CES1: variants seen among roughly 807,000 people sequenced by gnomAD.
CES1 encodes the protein carboxylesterase 1, also known as liver carboxylesterase 1.
In CES1, 50 loss-of-function variants were observed where a neutral mutation model predicts 53.0. The ratio of observed to expected loss-of-function variants is 0.94; its 90% CI spans 0.75 to 1.19. The LOEUF (loss-of-function observed/expected upper bound fraction) is 1.19, where lower values mean the gene tolerates loss of function less well. Ranked by LOEUF, CES1 falls within the 50% of genes most tolerant of loss-of-function variation. CES1 has a pLI of 0.00. For synonymous variants in CES1, 202 were observed against 210.1 expected, an observed-to-expected ratio of 0.96 and a Z score of 0.33; for missense variants, 534 against 538.0, an observed-to-expected ratio of 0.99 and a Z score of 0.07.
intron 2 of CES1, among the ~76,000 whole-genome samples, chr16:55,827,036 A>T (rs1225017825): frequency 1.3e-5 from 2 of 152,210 alleles, no homozygotes; most frequent in Non-Finnish European, 2.9e-5. Flanking sequence ...GACCAAGGTT[A>T]CATAGCCAGG....
intron 7 of CES1, among the ~76,000 whole-genome samples, chr16:55,817,890 C>T (rs1342302976): frequency 6.6e-6 from 1 of 152,162 alleles, no homozygotes; most frequent in Non-Finnish European, 1.5e-5. Flanking sequence ...TGGGTTTTCC[C>T]AAAGACTCAA....
chr16:55,829,152 C>T (rs1426426128), intron 1 of CES1, among the ~76,000 whole-genome samples, 178 bp from the exon 2 acceptor site: 1 of 152,080 alleles, frequency 6.6e-6, no homozygotes, highest in Non-Finnish European at 1.5e-5. Flanking sequence ...ACCCATTGAG[C>T]TGGTTTAATG....
intron 8 of CES1, 130 bp from the exon 9 acceptor site, chr16:55,813,173 G>C: frequency 1.5e-6 from 2 of 1,295,306 alleles, no homozygotes; most frequent in South Asian, 2.4e-5. Flanking sequence ...CACATGCTCA[G>C]GATCCTAACT....
intron 2 of CES1, among the ~76,000 whole-genome samples, chr16:55,827,277 C>CAATAATAAT (rs57486989): frequency 0.38 from 54,486 of 142,914 alleles, 11,709 homozygotes; most frequent in Non-Finnish European, 0.46. Context: ...AGAGGAATAA[C>CAATAATAAT]AATAATAATA....
At position 55,825,417 on chromosome 16, in the gene CES1, C is replaced by T. The variant is rs561006110; in HGVS notation, c.405+734G>A. ...TCCCCACCCTCCAACCTGCAGCTGG[C>T]GGGCTGCCCCATGTCCTGCCCTTCA... On this transcript the variant is annotated intron_variant, in intron 3 of 13. Coordinates refer to ENST00000360526, the MANE Select transcript of CES1 (RefSeq NM_001025195.2). 5.9e-5 allele frequency among the ~76,000 whole-genome samples: 9 copies of T among 152,302 alleles called. No homozygotes were observed. The South Asian group carries it at 6.2e-4, about 11-fold the overall frequency.
chr16:55,818,288 G>C (rs570622878), intron 7 of CES1, among the ~76,000 whole-genome samples: 32 of 152,308 alleles, frequency 2.1e-4, no homozygotes, highest in Non-Finnish European at 4.4e-4. Context: ...AATCCTAAAG[G>C]TCCCCAAGTC....
At chr16:55,815,247 A>G (rs1206661639) in intron 8 of CES1, among the ~76,000 whole-genome samples, 5 of 152,216 alleles carry the variant, frequency 3.3e-5, no homozygotes, top group African/African-American at 1.2e-4. Flanking sequence ...CACAGTGTGC[A>G]CGCAGGTGTG....
At chr16:55,812,688 AAG>A (rs2031751375) in intron 9 of CES1, among the ~76,000 whole-genome samples, 1 of 152,114 alleles carries the variant, frequency 6.6e-6, no homozygotes, top group Non-Finnish European at 1.5e-5. Flanking sequence ...GGAAGACAAT[AAG>A]AGAGTCTGGG....
chr16:55,827,173 T>G (rs2032451378), intron 2 of CES1, among the ~76,000 whole-genome samples: 1 of 151,956 alleles, frequency 6.6e-6, no homozygotes, highest in African/African-American at 2.4e-5. Flanking sequence ...ACTCAGACTC[T>G]GGGATGACAC....
intron 3 of CES1, among the ~76,000 whole-genome samples, 182 bp downstream of exon 3, chr16:55,825,969 A>G (rs1291252220): frequency 1.3e-5 from 2 of 152,208 alleles, no homozygotes; most frequent in African/African-American, 4.8e-5. Flanking sequence ...CAGAGTGCCT[A>G]TGTCACGAGG....
chr16:55,818,413 G>A (rs1313496455), intron 7 of CES1, among the ~76,000 whole-genome samples: 1 of 152,206 alleles, frequency 6.6e-6, no homozygotes, highest in South Asian at 2.1e-4. Context: ...GTGACATGGG[G>A]CAATTACAAA....
chr16:55,810,726 C>G (rs1307684314), intron 10 of CES1, 62 bp from the exon 11 acceptor site: 6 of 1,594,320 alleles, frequency 3.8e-6, no homozygotes, highest in Middle Eastern at 1.7e-4. Context: ...TCCAGCCCAC[C>G]AGAAAGTCCT....
chr16:55,820,283 C>T (rs550484529), intron 6 of CES1, 89 bp downstream of exon 6: 39 of 843,950 alleles, frequency 4.6e-5, no homozygotes, highest in South Asian at 2.3e-4. Flanking sequence ...TAGCTACAAC[C>T]GACCACAAGA....
chr16:55,809,293 CTGT>C (rs1360179682), intron 11 of CES1, among the ~76,000 whole-genome samples: 1 of 152,160 alleles, frequency 6.6e-6, no homozygotes, highest in Non-Finnish European at 1.5e-5. Flanking sequence ...TATCAGGACC[CTGT>C]GAAGAAATGA....
rs796752543 is a variant in CES1, at chr16:55,813,873, A to G, written c.946-830T>C. ...CGCGAAGAGGACACTTGTAAACATC[A>G]GAGATGAAACAAGAAGAGAGAGGTT... On this transcript the variant is annotated intron_variant, in intron 8 of 13. Transcript: ENST00000360526. 4.6e-5 allele frequency among the ~76,000 whole-genome samples: 7 copies of G among 152,386 alleles called. 1 individual carries two copies. Among genetic ancestry groups the G allele is most frequent in the African/African-American group, 1.7e-4 (7 of 41,586 alleles).
At chr16:55,824,490 A>G (rs1426810876) in intron 3 of CES1, among the ~76,000 whole-genome samples, 8 of 152,312 alleles carry the variant, frequency 5.3e-5, no homozygotes, top group African/African-American at 1.9e-4. Context: ...AGCACAGTAA[A>G]ATAAACTATA....
intron 9 of CES1, 109 bp from the exon 10 acceptor site, chr16:55,811,119 G>C (rs2142314662): frequency 1.2e-6 from 1 of 867,914 alleles, no homozygotes; most frequent in East Asian, 2.6e-5. Context: ...CTAATTATGG[G>C]GGCTTTTAAG....
In CES1 at chr16:55,831,350, C is replaced by G. The variant is rs376392894; in HGVS notation, c.52+1654G>C. On this transcript the variant is annotated intron_variant, in intron 1 of 13. Coordinates refer to ENST00000360526, the MANE Select transcript of CES1 (RefSeq NM_001025195.2). ...AAGAAACCACTGGGCTGGTCATGCT[C>G]AGCTCAGGGATTCCCTTCAACAGGA... Among the ~76,000 whole-genome samples, 73 of 151,450 alleles carry G rather than the reference C, an allele frequency of 4.8e-4. No individual in the cohort carries two copies. The South Asian group carries it at 0.012, about 26-fold the overall frequency.
At chr16:55,819,666 G>A in intron 6 of CES1, 27 bp from the exon 7 acceptor site, 4 of 1,559,340 alleles carry the variant, frequency 2.6e-6, no homozygotes, top group Non-Finnish European at 3.5e-6. Context: ...CAACAACAGA[G>A]TTCAAGAGCG....
Sources: gnomAD v4.1 joint callset for allele counts (sites outside exome capture counted in the v4.1 genomes callset) on GRCh38, gnomAD v4.1.1 for gene constraint, MANE v1.5 for transcripts, NCBI Gene and HGNC (gene_info 2026-07-23, HGNC 2026-07-21) for gene names.